The following VWA3B variants were observed in gnomAD, a reference collection of about 807,000 sequenced individuals.
The protein encoded by VWA3B is von Willebrand factor A domain-containing protein 3B.
VWA3B carries 138 observed loss-of-function variants against 158.3 expected under a neutral mutation model. The ratio of observed to expected loss-of-function variants is 0.87; its 90% CI spans 0.76 to 1.00. The LOEUF is 1.00. VWA3B is among the 50% of genes least tolerant of loss of function. The pLI is 0.00. For synonymous variants in VWA3B, 596 were observed against 587.3 expected, an observed-to-expected ratio of 1.01 and a Z score of -0.21; for missense variants, 1,555 against 1,565.1, an observed-to-expected ratio of 0.99 and a Z score of 0.11.
At chr2:98,219,079 A>T (rs774650442) in intron 14 of VWA3B, among the ~76,000 whole-genome samples, 2 of 152,228 alleles carry the variant, frequency 1.3e-5, no homozygotes, top group Admixed American at 6.5e-5. Context: ...AAGAAAACAA[A>T]AATATTCACC....
intron 27 of VWA3B, 80 bp downstream of exon 27, chr2:98,312,112 C>T (rs746221146): frequency 3.1e-6 from 5 of 1,612,536 alleles, no homozygotes; most frequent in Non-Finnish European, 4.2e-6. Context: ...GTACACCTAA[C>T]ATCGTCCTTC....
rs147755172 is a variant in VWA3B at position 98,121,855 on chromosome 2, G to A, written c.702+397G>A. 48 of 170,228 alleles carry A rather than the reference G, an allele frequency of 2.8e-4. 2 individuals are homozygous for A. The East Asian group carries it at 7.0e-3, about 25-fold the overall frequency. The allele number at this position is 170,228 out of a possible 1,614,324, so 10.5% of individuals were successfully genotyped here. ...AGATCAGTCAGTCTATCTCTTATGA[G>A]GAGGAGAGAGAGATTGGAAGACTCC... On this transcript the variant is annotated intron_variant, in intron 5 of 27. Coordinates refer to ENST00000477737, the MANE Select transcript of VWA3B (RefSeq NM_144992.5).
At chr2:98,315,000 A>G (rs1221868466), downstream of VWA3B, among the ~76,000 whole-genome samples, 1 of 152,128 alleles carries the variant, frequency 6.6e-6, no homozygotes, top group East Asian at 1.9e-4. Flanking sequence ...AAAAAAAGAA[A>G]AAAAAGAGAA....
intron 2 of VWA3B, among the ~76,000 whole-genome samples, chr2:98,103,286 G>A (rs1683214089): frequency 6.6e-6 from 1 of 151,846 alleles, no homozygotes; most frequent in African/African-American, 2.4e-5. Context: ...TATTTCACTG[G>A]TATCTGACTT....
intron 25 of VWA3B, among the ~76,000 whole-genome samples, chr2:98,301,297 C>CA (rs1237514851): frequency 6.7e-6 from 1 of 148,872 alleles, no homozygotes; most frequent in East Asian, 2.0e-4. Context: ...CAAAAAAAAA[C>CA]AAAAAAACAA....
chr2:98,140,267 C>G (rs1467856620), intron 7 of VWA3B, among the ~76,000 whole-genome samples: 1 of 152,228 alleles, frequency 6.6e-6, no homozygotes. Context: ...CTTAGAGATT[C>G]TCCTTCCTCC....
chr2:98,245,527 C>G (rs1261817238), intron 19 of VWA3B: 3 of 456,572 alleles, frequency 6.6e-6, no homozygotes, highest in Middle Eastern at 3.2e-4. Flanking sequence ...TGCACACAAG[C>G]CAAATCTGAG....
intron 2 of VWA3B, among the ~76,000 whole-genome samples, chr2:98,098,466 C>A (rs965156710): frequency 6.6e-6 from 1 of 151,802 alleles, no homozygotes; most frequent in African/African-American, 2.4e-5. Context: ...TATATAATAA[C>A]CTTCTTTGTC....
Position 98,169,575 on chromosome 2 carries a change from G to T in VWA3B, c.1114+6599G>T, listed in dbSNP as rs1463647061. Among the ~76,000 whole-genome samples the T allele has an allele frequency of 5.3e-5, 8 of 152,148 alleles. No homozygotes were observed. In the South Asian group the frequency reaches 1.0e-3, roughly 20 times the overall value. The stretch of plus-strand genomic sequence containing the variant: ...ACTTACCAGTGTGTACACTTTAAAG[G>T]TGTATGAGATATTATATGTCAATTG... On this transcript the variant is annotated intron_variant, in intron 8 of 27. Transcript: ENST00000477737.
At chr2:98,224,003 C>T (rs76167749) in intron 14 of VWA3B, among the ~76,000 whole-genome samples, 7,195 of 152,292 alleles carry the variant, frequency 0.047, 255 homozygotes, top group Middle Eastern at 0.082. Flanking sequence ...GCTGAGATTA[C>T]AGGTATTAGC....
At chr2:98,306,562 T>C (rs1405119220) in intron 26 of VWA3B, among the ~76,000 whole-genome samples, 1 of 152,160 alleles carries the variant, frequency 6.6e-6, no homozygotes, top group Non-Finnish European at 1.5e-5. Context: ...ATCTCAAACA[T>C]CTACCCCAAC....
rs1185960401 is a variant in VWA3B at position 98,230,032 on chromosome 2, T to C, written c.2151-18T>C. ...TCTCTCTCTTTTTTTGCTCGACTTT[T>C]TATCTAAATCAAAACAGGCATCAAA... On this transcript the variant is annotated intron_variant, in intron 15 of 27. Coordinates refer to ENST00000477737, the MANE Select transcript of VWA3B (RefSeq NM_144992.5). The C allele has an allele frequency of 2.6e-6, 4 of 1,555,710 alleles. No homozygotes were observed. The highest frequency in any genetic ancestry group is 3.5e-6 in the Non-Finnish European group (4 of 1,158,000).
At chr2:98,193,268 A>G (rs1224195733) in intron 11 of VWA3B, among the ~76,000 whole-genome samples, 3 of 152,208 alleles carry the variant, frequency 2.0e-5, no homozygotes, top group African/African-American at 7.2e-5. Context: ...TCATTGTTTC[A>G]GATTTTCTCT....
At chr2:98,128,957 C>A (rs896245167) in intron 6 of VWA3B, among the ~76,000 whole-genome samples, 2 of 152,266 alleles carry the variant, frequency 1.3e-5, no homozygotes, top group African/African-American at 4.8e-5. Flanking sequence ...CGGTGCTTCC[C>A]TGTGTGGCCT....
At chr2:98,109,416 G>A (rs1486468128) in intron 2 of VWA3B, among the ~76,000 whole-genome samples, 2 of 152,144 alleles carry the variant, frequency 1.3e-5, no homozygotes, top group African/African-American at 2.4e-5. Flanking sequence ...GTGATGAGCA[G>A]AAACCTTCTT....
intron 22 of VWA3B, among the ~76,000 whole-genome samples, chr2:98,276,502 T>A (rs1215145554): frequency 6.6e-6 from 1 of 152,264 alleles, no homozygotes; most frequent in Non-Finnish European, 1.5e-5. Flanking sequence ...AGCCCCTCTG[T>A]TCATCATTAA....
chr2:98,163,107 C>G, intron 8 of VWA3B, 131 bp downstream of exon 8: 1 of 1,436,650 alleles, frequency 7.0e-7, no homozygotes, highest in Non-Finnish European at 9.4e-7. Flanking sequence ...AGGAGAGCAG[C>G]CAGAGCTGTG....
chr2:98,206,292 C>T (rs1288780056), intron 12 of VWA3B: 1 of 158,954 alleles, frequency 6.3e-6, no homozygotes, highest in African/African-American at 2.4e-5. Context: ...AATATGGGCA[C>T]AAACATCACC....
At chr2:98,296,814 C>T (rs1689827986) in intron 23 of VWA3B, among the ~76,000 whole-genome samples, 1 of 151,858 alleles carries the variant, frequency 6.6e-6, no homozygotes, top group South Asian at 2.1e-4. Flanking sequence ...GGATAAATTA[C>T]AAAAAATATA....
Sources: gnomAD v4.1 joint callset for allele counts (sites outside exome capture counted in the v4.1 genomes callset) on GRCh38, gnomAD v4.1.1 for gene constraint, MANE v1.5 for transcripts, NCBI Gene and HGNC (gene_info 2026-07-23, HGNC 2026-07-21) for gene names.